The following LINGO2 variants were observed in gnomAD, a reference collection of about 807,000 sequenced individuals.
LINGO2 encodes leucine rich repeat and Ig domain containing 2, also known as leucine-rich repeat and immunoglobulin-like domain-containing nogo receptor-interacting protein 2.
Under a neutral mutation model 30.6 loss-of-function variants are expected in LINGO2, and 14 were observed. That is an observed-to-expected ratio of 0.46 (90% CI 0.30 to 0.72). The LOEUF (loss-of-function observed/expected upper bound fraction) is 0.72, where lower values mean the gene tolerates loss of function less well. Ranked by LOEUF, LINGO2 falls within the 30% of genes least tolerant of loss-of-function variation. LINGO2 has a pLI of 0.07. For missense variants in LINGO2, 729 were observed against 751.7 expected (o/e 0.97, Z 0.35); for synonymous variants, 317 against 288.5 (o/e 1.10, Z -1.00).
chr9:28,725,559 T>A, the LINGO2 span, among the ~76,000 whole-genome samples: 3 of 131,416 alleles, frequency 2.3e-5, no homozygotes, highest in African/African-American at 8.6e-5. Context: ...TCTCAATCCA[T>A]GGAATAAAAA....
intron 1 of LINGO2, among the ~76,000 whole-genome samples, chr9:28,627,507 A>C (rs1826736051): frequency 6.6e-6 from 1 of 152,026 alleles, no homozygotes; most frequent in African/African-American, 2.4e-5. Context: ...CCTTTTCTGC[A>C]CTAAAATATG....
chr9:27,960,825 C>G (rs1195869103), intron 5 of LINGO2, among the ~76,000 whole-genome samples: 1 of 151,844 alleles, frequency 6.6e-6, no homozygotes, highest in Admixed American at 6.6e-5. Flanking sequence ...CTATTTGTCC[C>G]TTGCATTTTT....
In LINGO2 at chr9:28,467,043, G is replaced by T. The variant is rs559035470; in HGVS notation, c.-279+8897C>A. On this transcript the variant is annotated intron_variant, in intron 2 of 5. Transcript: ENST00000379992. The stretch of plus-strand genomic sequence containing the variant: ...CTGACTCTCTTTTTTTTTGGGGGGG[G>T]GGGACGGAGTCTCGCTCTGTTGCCC... Among the ~76,000 whole-genome samples the T allele has an allele frequency of 6.6e-5, 10 of 150,814 alleles. No individual in the cohort carries two copies. The East Asian group carries it at 1.4e-3, about 21-fold the overall frequency.
chr9:29,029,805 T>G, the LINGO2 span, among the ~76,000 whole-genome samples: 6,284 of 152,182 alleles, frequency 0.041, 197 homozygotes, highest in Admixed American at 0.082. Context: ...TCTGCCTCAG[T>G]TATTCTCAAA....
At chr9:28,891,398 G>A in the LINGO2 span, among the ~76,000 whole-genome samples, 4 of 151,650 alleles carry the variant, frequency 2.6e-5, no homozygotes, top group African/African-American at 9.7e-5. Flanking sequence ...ATGGAACAGA[G>A]AGAACAAATT....
chr9:29,191,615 T>C, the LINGO2 span, among the ~76,000 whole-genome samples: 6 of 152,270 alleles, frequency 3.9e-5, no homozygotes, highest in African/African-American at 1.2e-4. Flanking sequence ...TGCTTAAGCT[T>C]ATGAAAACAC....
At chr9:28,771,506 TGA>T in the LINGO2 span, among the ~76,000 whole-genome samples, 439 of 94,968 alleles carry the variant, frequency 4.6e-3, 11 homozygotes, top group South Asian at 0.014. Context: ...TGTGTGTGTG[TGA>T]GAGAGAGAGA....
intron 1 of LINGO2, among the ~76,000 whole-genome samples, chr9:28,634,490 T>TTC (rs1246372900): frequency 1.3e-4 from 16 of 126,716 alleles, no homozygotes; most frequent in Admixed American, 5.1e-4. Context: ...TTTTTCTTTT[T>TTC]TTTTTTTTTT....
intron 3 of LINGO2, among the ~76,000 whole-genome samples, chr9:28,304,377 G>A (rs1188626511): frequency 6.6e-6 from 1 of 151,056 alleles, no homozygotes; most frequent in Admixed American, 6.6e-5. Context: ...ATATATACAT[G>A]ATATGTATAT....
the LINGO2 span, among the ~76,000 whole-genome samples, chr9:29,154,398 G>A: frequency 0.013 from 1,989 of 149,606 alleles, 22 homozygotes; most frequent in Non-Finnish European, 0.023. Context: ...TGCAGTGGGC[G>A]GAGATCGCGC....
chr9:28,482,367 A>G (rs1207819765), intron 1 of LINGO2, among the ~76,000 whole-genome samples: 1 of 152,112 alleles, frequency 6.6e-6, no homozygotes, highest in African/African-American at 2.4e-5. Flanking sequence ...CATTTCTCTG[A>G]TGGCCAGTGA....
the LINGO2 span, among the ~76,000 whole-genome samples, chr9:29,105,176 C>T: frequency 6.6e-6 from 1 of 152,156 alleles, no homozygotes; most frequent in African/African-American, 2.4e-5. Flanking sequence ...AGTAAATGGA[C>T]TAAGTAAGAG....
the LINGO2 span, among the ~76,000 whole-genome samples, chr9:28,883,628 G>GTGTGTGTATATATA: frequency 1.8e-3 from 117 of 64,124 alleles, 1 homozygote; most frequent in East Asian, 6.1e-3. Flanking sequence ...ATGTGTGTGT[G>GTGTGTGTATATATA]TATATATATA....
chr9:27,939,025 T>C, the LINGO2 span: 3 of 152,276 alleles, frequency 2.0e-5, no homozygotes, highest in Admixed American at 2.0e-4. Flanking sequence ...TTAAAAGATA[T>C]AAATAGACAT....
At chr9:29,059,639 GT>G in the LINGO2 span, among the ~76,000 whole-genome samples, 4 of 151,712 alleles carry the variant, frequency 2.6e-5, no homozygotes, top group African/African-American at 9.7e-5. Context: ...AAAAAGGAGA[GT>G]TTTTTAAACA....
chr9:28,180,241 T>G (rs1828874264), intron 4 of LINGO2, among the ~76,000 whole-genome samples: 1 of 152,132 alleles, frequency 6.6e-6, no homozygotes, highest in Non-Finnish European at 1.5e-5. Flanking sequence ...GGTGAACTTC[T>G]TTTCCATGGC....
rs894434155 is a variant in LINGO2 at position 28,129,623 on chromosome 9, A to G, written c.-86-117218T>C. The G allele has an allele frequency of 2.8e-4, 42 of 152,272 alleles. No homozygotes were observed. Among genetic ancestry groups the G allele is most frequent in the African/African-American group, 1.0e-3 (42 of 41,564 alleles). 9.4% of individuals were successfully genotyped at this position (152,272 alleles called of 1,614,324 possible). A position where few individuals can be genotyped will look rare whatever the true frequency, so the allele number is the denominator to read the frequency against. On this transcript the variant is annotated intron_variant, in intron 4 of 5. Transcript: ENST00000379992. This position sits in a 1 kb window ranked among gnomAD's most constrained non-coding sequence, Gnocchi z 4.0. ...GTACGTAAGTAGCTAAAACTCATCAATCACCTGAACTAAGGCAGTAAGTGG... is the reference window on the plus strand; with the variant it reads ...GTACGTAAGTAGCTAAAACTCATCAGTCACCTGAACTAAGGCAGTAAGTGG...
intron 1 of LINGO2, among the ~76,000 whole-genome samples, chr9:28,642,184 A>T (rs56961410): frequency 3.9e-5 from 6 of 152,190 alleles, no homozygotes; most frequent in African/African-American, 1.4e-4. Context: ...TGTAAAGTTC[A>T]TTGTGAAAAC....
At chr9:28,859,313 C>T in the LINGO2 span, among the ~76,000 whole-genome samples, 2 of 151,984 alleles carry the variant, frequency 1.3e-5, no homozygotes, top group Non-Finnish European at 2.9e-5. Context: ...GATTACAGTG[C>T]TGCTCAGTTA....
Sources: allele counts gnomAD v4.1 joint callset (sites outside exome capture counted in the v4.1 genomes callset), GRCh38; gene constraint gnomAD v4.1.1; non-coding constraint Gnocchi (gnomAD v3.1); transcripts MANE v1.5; gene names NCBI Gene and HGNC (gene_info 2026-07-23, HGNC 2026-07-21).